The following MICU1 variants were observed in gnomAD, a reference collection of about 807,000 sequenced individuals.
MICU1 encodes calcium uptake protein 1, mitochondrial.
A neutral mutation model predicts 56.8 loss-of-function variants in MICU1; 45 were observed. The ratio of observed to expected loss-of-function variants is 0.79; its 90% CI spans 0.62 to 1.02. MICU1 has a LOEUF of 1.02. Ranked by LOEUF, MICU1 falls within the 50% of genes least tolerant of loss-of-function variation. The pLI, the probability that MICU1 is intolerant of heterozygous loss-of-function variation, is 0.00. For synonymous variants in MICU1, 186 were observed against 195.1 expected, an observed-to-expected ratio of 0.95 and a Z score of 0.39; for missense variants, 504 against 587.1, an observed-to-expected ratio of 0.86 and a Z score of 1.46.
chr10:72,375,861 G>C lies in MICU1; in HGVS notation c.1192C>G (p.Gln398Glu). ...GASLDKVTMQ[Q>E]VARTVAKVEL... The stretch of plus-strand genomic sequence containing the variant: ...ACTTTAGCCACTGTCCTGGCCACCT[G>C]CTGCATGGTCACTGAAAAAAGAAAG... Residue 398 changes from glutamine (Q) to glutamate (E), a missense_variant, in exon 11 of 12, where the codon CAG becomes GAG. Gln to Glu is a conservative substitution (Grantham distance 29). Coordinates refer to ENST00000361114, the MANE Select transcript of MICU1 (RefSeq NM_001195518.2). 6.2e-7 allele frequency: 1 copy of C among 1,613,068 alleles called. No homozygotes were observed. Among genetic ancestry groups the C allele is most frequent in the Non-Finnish European group, 8.5e-7 (1 of 1,179,572 alleles).
intron 10 of MICU1, among the ~76,000 whole-genome samples, chr10:72,391,078 C>CAGTT (rs1165883359): frequency 6.6e-6 from 1 of 152,342 alleles, no homozygotes; most frequent in East Asian, 1.9e-4. Flanking sequence ...GAGGTGGGTC[C>CAGTT]AGTTGGTCCT....
In MICU1 at chr10:72,566,678, A is replaced by T. The variant is rs1365606779; in HGVS notation, c.116T>A (p.Leu39Gln). 1.2e-6 allele frequency: 2 copies of T among 1,613,176 alleles called. No homozygotes were observed. Among genetic ancestry groups the T allele is most frequent in the Admixed American group, 3.3e-5 (2 of 59,896 alleles). ...IRRRLMMVAFLGASAVTASTG... is the reference protein window; with the variant it reads ...IRRRLMMVAFQGASAVTASTG... Reference sequence around the variant, plus strand: ...ACTTGCAGTTACTGCAGATGCTCCCAGGAAAGCCACCATCATTAGTCTTCG... The same window carrying T: ...ACTTGCAGTTACTGCAGATGCTCCCTGGAAAGCCACCATCATTAGTCTTCG... Residue 39 changes from leucine (L) to glutamine (Q), a missense_variant, in exon 2 of 12, where the codon CTG becomes CAG. Transcript: ENST00000361114.
chr10:72,491,638 C>T (rs2132304580), intron 6 of MICU1, among the ~76,000 whole-genome samples: 1 of 152,182 alleles, frequency 6.6e-6, no homozygotes, highest in Admixed American at 6.5e-5. Flanking sequence ...CACTTCAGGC[C>T]CGGAGTTCGA....
chr10:72,464,714 T>C (rs1865738243), intron 8 of MICU1, among the ~76,000 whole-genome samples: 1 of 152,218 alleles, frequency 6.6e-6, no homozygotes, highest in Non-Finnish European at 1.5e-5. Context: ...AAGCAATACA[T>C]AACTATATAG....
At chr10:72,410,295 C>T (rs1863767458) in intron 9 of MICU1, among the ~76,000 whole-genome samples, 1 of 152,146 alleles carries the variant, frequency 6.6e-6, no homozygotes, top group Non-Finnish European at 1.5e-5. Flanking sequence ...AACAGTGATG[C>T]ATCTGTACTT....
At chr10:72,508,461 TTTTCA>T in intron 5 of MICU1, 192 bp from the exon 6 acceptor site, 1 of 389,754 alleles carries the variant, frequency 2.6e-6, no homozygotes, top group Non-Finnish European at 4.6e-6. Context: ...AAAAATTATG[TTTTCA>T]TTTCAACACT....
intron 4 of MICU1, among the ~76,000 whole-genome samples, chr10:72,534,406 T>C (rs1839572525): frequency 6.6e-6 from 1 of 152,154 alleles, no homozygotes. Context: ...TCCCCAGCAT[T>C]TAGAACAGTG....
At chr10:72,377,183 G>T (rs778399571) in intron 10 of MICU1, among the ~76,000 whole-genome samples, 12 of 151,894 alleles carry the variant, frequency 7.9e-5, no homozygotes, top group African/African-American at 2.9e-4. Context: ...GCAGTGGCAC[G>T]ATCTCGGCTC....
intron 10 of MICU1, 68 bp downstream of exon 10, chr10:72,407,861 G>T: frequency 3.1e-6 from 3 of 980,144 alleles, no homozygotes; most frequent in Non-Finnish European, 4.7e-6. Context: ...TTCAGGAGGG[G>T]CAGTCACCTA....
intron 10 of MICU1, among the ~76,000 whole-genome samples, chr10:72,404,493 TGA>T (rs956512974): frequency 1.3e-5 from 2 of 152,170 alleles, no homozygotes; most frequent in African/African-American, 4.8e-5. Flanking sequence ...ATTGGTTCTT[TGA>T]AAAGATTAAC....
At chr10:72,421,033 A>ATAG (rs1864151882) in intron 9 of MICU1, among the ~76,000 whole-genome samples, 2 of 148,150 alleles carry the variant, frequency 1.3e-5, no homozygotes, top group South Asian at 4.2e-4. Flanking sequence ...AATAATAATA[A>ATAG]TAATAATAAA....
At chr10:72,441,672 A>G (rs1364382212) in intron 8 of MICU1, among the ~76,000 whole-genome samples, 1 of 125,278 alleles carries the variant, frequency 8.0e-6, no homozygotes, top group Non-Finnish European at 1.6e-5. Flanking sequence ...GCTGGAGTGC[A>G]GTGGTACGAT....
intron 10 of MICU1, among the ~76,000 whole-genome samples, chr10:72,396,052 G>A (rs1268929971): frequency 2.6e-5 from 4 of 152,306 alleles, no homozygotes; most frequent in African/African-American, 9.6e-5. Flanking sequence ...TCATACAGGC[G>A]GCTGCCTCTC....
intron 8 of MICU1, among the ~76,000 whole-genome samples, chr10:72,453,323 GT>G (rs1428778209): frequency 1.3e-5 from 2 of 152,092 alleles, no homozygotes; most frequent in Non-Finnish European, 2.9e-5. Context: ...CAAATCCACA[GT>G]TAGCACAAGA....
intron 8 of MICU1, among the ~76,000 whole-genome samples, chr10:72,471,431 T>G (rs1380512889): frequency 6.6e-6 from 1 of 152,208 alleles, no homozygotes; most frequent in Non-Finnish European, 1.5e-5. Context: ...CATCTCAGTA[T>G]GCAAGACAAA....
Position 72,571,518 on chromosome 10 carries a change from A to G in MICU1, c.-1-4724T>C, listed in dbSNP as rs77240982. On this transcript the variant is annotated intron_variant, in intron 1 of 11. Coordinates refer to ENST00000361114, the MANE Select transcript of MICU1 (RefSeq NM_001195518.2). Reference sequence around the variant, plus strand: ...TTTGAATGCCAGACCAAGAATTTAGAGCATATGTAAAATAGGAAGCCACTC... The same window carrying G: ...TTTGAATGCCAGACCAAGAATTTAGGGCATATGTAAAATAGGAAGCCACTC... 9.6e-4 allele frequency among the ~76,000 whole-genome samples: 146 copies of G among 152,334 alleles called. 3 individuals carry two copies. The highest frequency in any genetic ancestry group is 7.3e-3 in the Admixed American group (111 of 15,288).
intron 10 of MICU1, among the ~76,000 whole-genome samples, chr10:72,376,528 T>TG (rs1197518768): frequency 1.3e-5 from 2 of 152,066 alleles, no homozygotes; most frequent in African/African-American, 4.8e-5. Context: ...ACCAGCTACT[T>TG]GGGAGGCTGA....
chr10:72,565,489 T>G (rs1209022394), intron 2 of MICU1, among the ~76,000 whole-genome samples: 1 of 67,760 alleles, frequency 1.5e-5, no homozygotes, highest in Admixed American at 2.4e-4. Context: ...GGGCCTGTTG[T>G]GGGGTGGGGG....
At chr10:72,511,135 C>A (rs537885668) in intron 5 of MICU1, among the ~76,000 whole-genome samples, 3 of 152,206 alleles carry the variant, frequency 2.0e-5, no homozygotes, top group African/African-American at 4.8e-5. Flanking sequence ...ATAAATTCAC[C>A]ATTTTTACCA....
Sources: allele counts gnomAD v4.1 joint callset (sites outside exome capture counted in the v4.1 genomes callset), GRCh38; gene constraint gnomAD v4.1.1; transcripts MANE v1.5; gene names NCBI Gene and HGNC (gene_info 2026-07-23, HGNC 2026-07-21).